The following LYRM4 variants were observed in gnomAD, a reference collection of about 807,000 sequenced individuals.
LYRM4 encodes LYR motif containing 4.
A neutral mutation model predicts 11.7 loss-of-function variants in LYRM4; 9 were observed. That is an observed-to-expected ratio of 0.77 (90% CI 0.46 to 1.34). The LOEUF (loss-of-function observed/expected upper bound fraction) is 1.34. LYRM4 is among the 40% of genes most tolerant of loss of function. The probability of loss-of-function intolerance (pLI) is 0.00; values close to 1 mark genes in which losing one functional copy is unlikely to be tolerated. For missense variants in LYRM4, 133 were observed against 112.5 expected, an observed-to-expected ratio of 1.18 and a Z score of -0.82; for synonymous variants, 42 against 40.4, an observed-to-expected ratio of 1.04 and a Z score of -0.15.
rs989605027 is a variant in LYRM4 at position 5,205,085 on chromosome 6, G to A, written c.207+11533C>T. On this transcript the variant is annotated intron_variant, in intron 2 of 2. Coordinates refer to ENST00000330636, the MANE Select transcript of LYRM4 (RefSeq NM_020408.6). Reference sequence around the variant, plus strand: ...GGGGATCACAGTGAATAAGAACAACGCTAATCCTCTGGAAGCTCACAGGGT... The same window carrying A: ...GGGGATCACAGTGAATAAGAACAACACTAATCCTCTGGAAGCTCACAGGGT... Among the ~76,000 whole-genome samples the A allele has an allele frequency of 7.9e-5, 12 of 152,186 alleles. No homozygotes were observed. The East Asian group carries it at 9.6e-4, about 12-fold the overall frequency.
At chr6:5,202,050 A>G (rs1415762293) in intron 2 of LYRM4, among the ~76,000 whole-genome samples, 2 of 152,254 alleles carry the variant, frequency 1.3e-5, no homozygotes, top group East Asian at 3.9e-4. Context: ...TATAAAACAT[A>G]AATGAAAAGT....
chr6:5,101,302 A>T (rs533502244), downstream of LYRM4, among the ~76,000 whole-genome samples: 2 of 152,230 alleles, frequency 1.3e-5, no homozygotes, highest in Non-Finnish European at 2.9e-5. Context: ...ACGTTCTGTG[A>T]TTAAGGGATG....
intron 2 of LYRM4, among the ~76,000 whole-genome samples, chr6:5,127,966 G>T (rs886528321): frequency 6.6e-6 from 1 of 152,094 alleles, no homozygotes; most frequent in Non-Finnish European, 1.5e-5. Flanking sequence ...TAGAGAGAGG[G>T]TCCCTGTACC....
the LYRM4 span, chr6:5,087,414 A>T: frequency 6.6e-6 from 1 of 152,236 alleles, no homozygotes; most frequent in South Asian, 2.1e-4. Context: ...GTTCTGTAGA[A>T]AGTGTTCCGT....
At chr6:5,133,736 A>C (rs1229768513) in intron 2 of LYRM4, among the ~76,000 whole-genome samples, 1 of 152,238 alleles carries the variant, frequency 6.6e-6, no homozygotes, top group Non-Finnish European at 1.5e-5. Flanking sequence ...CACCCCCAAA[A>C]GGAAACCCCA....
chr6:5,200,651 A>G (rs1761335184), intron 2 of LYRM4, among the ~76,000 whole-genome samples: 1 of 152,204 alleles, frequency 6.6e-6, no homozygotes, highest in Non-Finnish European at 1.5e-5. Context: ...TGTGGAGAAC[A>G]TGCACTCTGC....
intron 1 of LYRM4, among the ~76,000 whole-genome samples, chr6:5,246,033 C>A (rs1195994298): frequency 6.6e-6 from 1 of 152,054 alleles, no homozygotes; most frequent in Non-Finnish European, 1.5e-5. Context: ...TTCTTCTTTC[C>A]TTTAAAAAAT....
chr6:5,129,544 C>T (rs1045942788), intron 2 of LYRM4, among the ~76,000 whole-genome samples: 13 of 152,180 alleles, frequency 8.5e-5, no homozygotes, highest in Admixed American at 8.5e-4. Context: ...AAACCTCCCT[C>T]TGCCTTCCTC....
chr6:5,067,223 A>C, the LYRM4 span, among the ~76,000 whole-genome samples: 428 of 152,358 alleles, frequency 2.8e-3, 3 homozygotes, highest in Middle Eastern at 3.4e-3. Flanking sequence ...ATGTACACAG[A>C]AAACATTAGT....
intron 2 of LYRM4, among the ~76,000 whole-genome samples, chr6:5,154,587 T>C (rs558260680): frequency 2.0e-3 from 303 of 152,016 alleles, no homozygotes; most frequent in African/African-American, 7.0e-3. Flanking sequence ...GAGGCCAAGG[T>C]GGGCAGATCA....
chr6:5,184,134 C>A (rs1760241051), intron 2 of LYRM4, among the ~76,000 whole-genome samples: 1 of 151,980 alleles, frequency 6.6e-6, no homozygotes. Flanking sequence ...GTAATCTAGT[C>A]CATTTTCTTA....
chr6:5,050,144 A>G, the LYRM4 span, among the ~76,000 whole-genome samples: 3 of 152,252 alleles, frequency 2.0e-5, no homozygotes, highest in African/African-American at 7.2e-5. Flanking sequence ...CTCAAATGTA[A>G]CTATTTTGGA....
chr6:5,091,164 G>T, the LYRM4 span, among the ~76,000 whole-genome samples: 1 of 152,192 alleles, frequency 6.6e-6, no homozygotes, highest in South Asian at 2.1e-4. Context: ...GCCAGGACCC[G>T]ATGGACTCCT....
intron 2 of LYRM4, among the ~76,000 whole-genome samples, chr6:5,204,271 C>T (rs1761562428): frequency 6.6e-6 from 1 of 152,050 alleles, no homozygotes; most frequent in African/African-American, 2.4e-5. Context: ...TTCTTTTCAA[C>T]TGACTCTGGG....
chr6:5,120,481 G>A (rs540738895), intron 2 of LYRM4, among the ~76,000 whole-genome samples: 30 of 152,126 alleles, frequency 2.0e-4, no homozygotes, highest in Non-Finnish European at 4.1e-4. Flanking sequence ...AGGTGGTGTG[G>A]ACCCAAAAAG....
intron 2 of LYRM4, among the ~76,000 whole-genome samples, chr6:5,155,385 T>C (rs1391238185): frequency 6.6e-6 from 1 of 152,128 alleles, no homozygotes; most frequent in Non-Finnish European, 1.5e-5. Context: ...CCGGCTGAGA[T>C]GGATTACTAA....
At chr6:5,227,523 G>T (rs1031700528) in intron 1 of LYRM4, among the ~76,000 whole-genome samples, 2 of 152,276 alleles carry the variant, frequency 1.3e-5, no homozygotes, top group African/African-American at 4.8e-5. Context: ...TTATACTGTT[G>T]GTAGGAGTGT....
chr6:5,044,627 A>G, the LYRM4 span, among the ~76,000 whole-genome samples: 6 of 152,242 alleles, frequency 3.9e-5, no homozygotes, highest in African/African-American at 1.4e-4. Flanking sequence ...CTCGGCCCTG[A>G]TTAATTTCAA....
the LYRM4 span, chr6:5,085,693 C>T: frequency 6.5e-7 from 1 of 1,547,996 alleles, no homozygotes; most frequent in Non-Finnish European, 8.7e-7. Flanking sequence ...CCCCCAGGAG[C>T]AGGAGGAGCT....
Sources: gnomAD v4.1 joint callset for allele counts (sites outside exome capture counted in the v4.1 genomes callset) on GRCh38, gnomAD v4.1.1 for gene constraint, MANE v1.5 for transcripts, NCBI Gene and HGNC (gene_info 2026-07-23, HGNC 2026-07-21) for gene names.